The following RABGAP1L variants were observed in gnomAD, a reference collection of about 807,000 sequenced individuals.
RABGAP1L encodes the protein rab GTPase-activating protein 1-like.
In RABGAP1L, 63 loss-of-function variants were observed where a neutral mutation model predicts 137.7. The observed-to-expected ratio is 0.46, with a 90% CI of 0.37 to 0.56. The LOEUF (loss-of-function observed/expected upper bound fraction) is 0.56. RABGAP1L is among the 20% of genes least tolerant of loss of function. RABGAP1L has a pLI of 0.00. For synonymous variants in RABGAP1L, 431 were observed against 433.7 expected, an observed-to-expected ratio of 0.99 and a Z score of 0.08; for missense variants, 1,095 against 1,244.0, an observed-to-expected ratio of 0.88 and a Z score of 1.80.
intron 19 of RABGAP1L, among the ~76,000 whole-genome samples, chr1:174,884,810 C>T (rs1654811140): frequency 6.6e-6 from 1 of 152,236 alleles, no homozygotes; most frequent in African/African-American, 2.4e-5. Flanking sequence ...CTTTATTTCT[C>T]TGTCTCCAAC....
At chr1:174,822,438 T>C (rs966166884) in intron 19 of RABGAP1L, among the ~76,000 whole-genome samples, 2 of 152,216 alleles carry the variant, frequency 1.3e-5, no homozygotes, top group Non-Finnish European at 1.5e-5. Context: ...TCTGAAACAG[T>C]TGATAACAGG....
intron 19 of RABGAP1L, among the ~76,000 whole-genome samples, chr1:174,940,048 T>A (rs545379466): frequency 6.6e-6 from 1 of 152,284 alleles, no homozygotes; most frequent in East Asian, 1.9e-4. Flanking sequence ...GGCATCCCAA[T>A]GGAGTTTGGA....
At chr1:174,683,248 A>G (rs1247265941) in intron 14 of RABGAP1L, among the ~76,000 whole-genome samples, 2 of 151,876 alleles carry the variant, frequency 1.3e-5, no homozygotes, top group Non-Finnish European at 2.9e-5. Flanking sequence ...ACCATAATAG[A>G]TCTTTTAATA....
At chr1:174,633,565 T>C (rs1420440106) in intron 13 of RABGAP1L, among the ~76,000 whole-genome samples, 13 of 144,862 alleles carry the variant, frequency 9.0e-5, no homozygotes, top group Admixed American at 3.4e-4. Flanking sequence ...AAAAAGAGCC[T>C]GCATCACCAA....
chr1:174,273,483 G>A (rs1674722809), intron 8 of RABGAP1L, among the ~76,000 whole-genome samples: 1 of 151,778 alleles, frequency 6.6e-6, no homozygotes, highest in Admixed American at 6.6e-5. Flanking sequence ...AATAGGTCAG[G>A]TAAGGAAAAC....
At chr1:174,242,121 T>G (rs1481926639) in intron 5 of RABGAP1L, among the ~76,000 whole-genome samples, 1 of 152,242 alleles carries the variant, frequency 6.6e-6, no homozygotes, top group African/African-American at 2.4e-5. Flanking sequence ...ATTATTTGTT[T>G]TGTGCTTTCT....
At chr1:174,729,062 C>G (rs2148615878) in intron 17 of RABGAP1L, among the ~76,000 whole-genome samples, 1 of 152,288 alleles carries the variant, frequency 6.6e-6, no homozygotes, top group South Asian at 2.1e-4. Flanking sequence ...GTCACATTAC[C>G]TGTCTTCAAA....
intron 11 of RABGAP1L, among the ~76,000 whole-genome samples, chr1:174,348,439 T>G (rs1031000530): frequency 6.8e-6 from 1 of 147,010 alleles, no homozygotes; most frequent in Admixed American, 6.6e-5. Flanking sequence ...TTCTATTTAT[T>G]TTTTATTTAT....
intron 1 of RABGAP1L, among the ~76,000 whole-genome samples, chr1:174,190,184 T>C (rs1025099502): frequency 2.0e-5 from 3 of 151,476 alleles, no homozygotes; most frequent in Non-Finnish European, 4.4e-5. Flanking sequence ...GCACCTGTAG[T>C]CCCAGCTACT....
intron 18 of RABGAP1L, 36 bp from the exon 19 acceptor site, chr1:174,811,796 G>A (rs761233013): frequency 6.7e-7 from 1 of 1,486,958 alleles, no homozygotes; most frequent in Non-Finnish European, 9.0e-7. Flanking sequence ...AAAGCAGGCT[G>A]AAATGTAATG....
intron 13 of RABGAP1L, among the ~76,000 whole-genome samples, chr1:174,541,825 G>A (rs1405246815): frequency 6.6e-6 from 1 of 152,132 alleles, no homozygotes; most frequent in African/African-American, 2.4e-5. Context: ...TTTGTCAAAG[G>A]CCTTTTCTGC....
In RABGAP1L at chr1:174,178,844, C is replaced by T. The variant is rs368337434; in HGVS notation, c.-34+19187C>T. Among the ~76,000 whole-genome samples the T allele has an allele frequency of 4.4e-4, 67 of 152,060 alleles. No homozygotes were observed. In the East Asian group the frequency reaches 0.012, roughly 26 times the overall value. On this transcript the variant is annotated intron_variant, in intron 1 of 25. Coordinates refer to ENST00000681986, the MANE Select transcript of RABGAP1L (RefSeq NM_001366446.1). ...CTGGGGCCTATTGGGGGTTGGGAGG[C>T]AAGGGAAGGGAGAGCATTAGGAAAA... is the stretch of plus-strand genomic sequence containing the variant.
chr1:174,202,447 T>A (rs1282786172), intron 1 of RABGAP1L, among the ~76,000 whole-genome samples: 1 of 152,262 alleles, frequency 6.6e-6, no homozygotes, highest in African/African-American at 2.4e-5. Flanking sequence ...CATAAATGCC[T>A]TCTTTTGAGA....
In RABGAP1L at chr1:174,595,651, C is replaced by G. The variant is rs568576286; in HGVS notation, c.1711-41724C>G. ...AGTGTGCCCCTGCTGGGGGCTGCCT[C>G]CCAGTTAGGCTGCTCGGGGGTCAGG... On this transcript the variant is annotated intron_variant, in intron 13 of 25. Transcript: ENST00000681986. 9.5e-4 allele frequency among the ~76,000 whole-genome samples: 143 copies of G among 149,952 alleles called. 2 individuals carry two copies. Among genetic ancestry groups the G allele is most frequent in the African/African-American group, 3.3e-3 (134 of 40,272 alleles).
intron 19 of RABGAP1L, among the ~76,000 whole-genome samples, chr1:174,893,890 A>G (rs967955451): frequency 3.9e-5 from 6 of 152,212 alleles, no homozygotes; most frequent in Non-Finnish European, 8.8e-5. Context: ...ACAAATTAAT[A>G]TCTCCAAGTC....
intron 12 of RABGAP1L, among the ~76,000 whole-genome samples, chr1:174,376,451 T>C (rs566271965): frequency 6.6e-6 from 1 of 152,282 alleles, no homozygotes; most frequent in South Asian, 2.1e-4. Flanking sequence ...AGTCCTAGCA[T>C]ATCAAATCCA....
At chr1:174,541,136 A>AT (rs1230836638) in intron 13 of RABGAP1L, among the ~76,000 whole-genome samples, 1 of 152,130 alleles carries the variant, frequency 6.6e-6, no homozygotes, top group Non-Finnish European at 1.5e-5. Context: ...TTGCACATTG[A>AT]TTTTGTATTC....
intron 14 of RABGAP1L, among the ~76,000 whole-genome samples, chr1:174,646,199 G>A (rs1674955738): frequency 6.6e-6 from 1 of 152,158 alleles, no homozygotes; most frequent in Non-Finnish European, 1.5e-5. Context: ...TTGCTGTGCA[G>A]AAGCTCTTTC....
At chr1:174,285,797 C>T (rs1003779138) in intron 10 of RABGAP1L, among the ~76,000 whole-genome samples, 4 of 151,990 alleles carry the variant, frequency 2.6e-5, no homozygotes, top group African/African-American at 9.7e-5. Context: ...GCATTTTTAT[C>T]ATGAAAGGAT....
Sources: allele counts gnomAD v4.1 joint callset (sites outside exome capture counted in the v4.1 genomes callset), GRCh38; gene constraint gnomAD v4.1.1; transcripts MANE v1.5; gene names NCBI Gene and HGNC (gene_info 2026-07-23, HGNC 2026-07-21).